The following NRXN3 variants were observed in gnomAD, a reference collection of about 807,000 sequenced individuals.
NRXN3 encodes neurexin 3.
A neutral mutation model predicts 137.6 loss-of-function variants in NRXN3; 32 were observed. That is an observed-to-expected ratio of 0.23 (90% CI 0.18 to 0.31). The LOEUF is 0.31. Among genes scored for constraint, NRXN3 ranks in the 10% least tolerant of loss-of-function variants. The pLI is 1.00. For synonymous variants in NRXN3, 798 were observed against 784.5 expected (o/e 1.02, Z -0.29); for missense variants, 1,574 against 2,062.5 (o/e 0.76, Z 4.59).
rs1567712583 is a variant in NRXN3 at position 79,629,272 on chromosome 14, GA to G, written c.3445-34498del. On this transcript the variant is annotated intron_variant, in intron 16 of 20. Coordinates refer to ENST00000335750, the MANE Select transcript of NRXN3 (RefSeq NM_001330195.2). ...TGGAGACCATATATAATTCCGAAAT[GA>G]AAAAAAATAAGCAACAATACACTGA... Among the ~76,000 whole-genome samples, 5 of 151,680 alleles carry G rather than the reference GA, an allele frequency of 3.3e-5. No individual in the cohort carries two copies. The South Asian group carries it at 8.3e-4, about 25-fold the overall frequency.
rs2062758077 is a variant in NRXN3, at chr14:79,180,070, C to T, written c.3262+191929C>T. 2.0e-5 allele frequency among the ~76,000 whole-genome samples: 3 copies of T among 152,116 alleles called. 1 individual carries two copies. Among genetic ancestry groups the T allele is most frequent in the Non-Finnish European group, 4.4e-5 (3 of 68,034 alleles). ...GGTTGCTGTAATAGCCTGTGTCTGC[C>T]CCAGACCACAATCATAAAAATAATA... is the stretch of plus-strand genomic sequence containing the variant. On this transcript the variant is annotated intron_variant, in intron 15 of 20. Coordinates refer to ENST00000335750, the MANE Select transcript of NRXN3 (RefSeq NM_001330195.2).
At chr14:79,247,948 C>G (rs1251817503) in intron 15 of NRXN3, among the ~76,000 whole-genome samples, 1 of 152,046 alleles carries the variant, frequency 6.6e-6, no homozygotes, top group Non-Finnish European at 1.5e-5. Context: ...CTATCACCCT[C>G]TCTCATAGCT....
chr14:79,371,096 C>T (rs1031516798), intron 15 of NRXN3, among the ~76,000 whole-genome samples: 4 of 152,090 alleles, frequency 2.6e-5, no homozygotes. Context: ...CTAACTGTTC[C>T]AGGTATCAAG....
At chr14:79,306,745 C>T (rs1195925648) in intron 15 of NRXN3, among the ~76,000 whole-genome samples, 1 of 152,062 alleles carries the variant, frequency 6.6e-6, no homozygotes, top group Non-Finnish European at 1.5e-5. Flanking sequence ...CGGCAAATTG[C>T]AATCTCATCA....
intron 15 of NRXN3, among the ~76,000 whole-genome samples, chr14:79,348,708 C>T (rs17109086): frequency 0.012 from 1,772 of 152,234 alleles, 37 homozygotes; most frequent in African/African-American, 0.04. Flanking sequence ...TAGAGTAGGG[C>T]AGTCGCCACA....
chr14:78,735,153 A>G (rs1567178320), intron 8 of NRXN3, among the ~76,000 whole-genome samples: 3 of 152,202 alleles, frequency 2.0e-5, no homozygotes. Context: ...AAGATCCTAT[A>G]TTTGTAGCAC....
intron 15 of NRXN3, among the ~76,000 whole-genome samples, chr14:79,388,618 C>A (rs1330621834): frequency 1.3e-5 from 2 of 152,032 alleles, no homozygotes; most frequent in African/African-American, 2.4e-5. Context: ...TCGACTCATG[C>A]TAGATCTCGG....
At position 78,555,046 on chromosome 14, in the gene NRXN3, C is replaced by A. The variant is rs531703627; in HGVS notation, c.758-90074C>A. Among the ~76,000 whole-genome samples, 8 of 152,182 alleles carry A rather than the reference C, an allele frequency of 5.3e-5. No homozygotes were observed. In the South Asian group the frequency reaches 6.2e-4, roughly 12 times the overall value. On this transcript the variant is annotated intron_variant, in intron 4 of 20. Coordinates refer to ENST00000335750, the MANE Select transcript of NRXN3 (RefSeq NM_001330195.2). ...TCTGCCATTCATCAGCTTGAGTTGT[C>A]TTAGGCAAGTCACATACCATCCTCT...
At chr14:78,799,796 C>T (rs773904031) in intron 8 of NRXN3, among the ~76,000 whole-genome samples, 8 of 152,000 alleles carry the variant, frequency 5.3e-5, no homozygotes, top group Non-Finnish European at 1.0e-4. Context: ...GAGAGCTAAG[C>T]GAAAGGGGTT....
intron 15 of NRXN3, among the ~76,000 whole-genome samples, chr14:79,026,025 T>C (rs2099597452): frequency 6.6e-6 from 1 of 152,058 alleles, no homozygotes; most frequent in South Asian, 2.1e-4. Context: ...TCAGCATTGG[T>C]CAGAATTACA....
intron 8 of NRXN3, among the ~76,000 whole-genome samples, chr14:78,719,399 C>A (rs1216391457): frequency 7.4e-6 from 1 of 135,690 alleles, no homozygotes; most frequent in Non-Finnish European, 1.6e-5. Flanking sequence ...TTTTAGGCAA[C>A]CTCCTATGTG....
At chr14:79,134,465 C>A (rs948601471) in intron 15 of NRXN3, among the ~76,000 whole-genome samples, 3 of 152,212 alleles carry the variant, frequency 2.0e-5, no homozygotes, top group Non-Finnish European at 4.4e-5. Flanking sequence ...AGAACAAAGG[C>A]ATGTCAATGT....
At chr14:78,950,535 T>C (rs962960775) in intron 10 of NRXN3, among the ~76,000 whole-genome samples, 1 of 151,886 alleles carries the variant, frequency 6.6e-6, no homozygotes, top group Non-Finnish European at 1.5e-5. Flanking sequence ...AGGGGCACTC[T>C]TTTTTCTAGT....
chr14:79,118,672 C>G (rs2653539), intron 15 of NRXN3, among the ~76,000 whole-genome samples: 150,963 of 152,342 alleles, frequency 0.99, 74,819 homozygotes, highest in Middle Eastern at 1. Context: ...TAATCTGGCT[C>G]TTATAGTGGA....
At chr14:78,646,909 C>G (rs1305876096) in intron 5 of NRXN3, among the ~76,000 whole-genome samples, 1 of 152,216 alleles carries the variant, frequency 6.6e-6, no homozygotes, top group Non-Finnish European at 1.5e-5. Context: ...GGGCTTGTTA[C>G]ATGAGAGCTG....
intron 8 of NRXN3, among the ~76,000 whole-genome samples, chr14:78,795,591 C>A (rs1179896976): frequency 1.7e-5 from 2 of 120,756 alleles, no homozygotes; most frequent in African/African-American, 5.9e-5. Context: ...TTAATTATAT[C>A]CTCTAGAAAT....
At chr14:79,402,733 T>A (rs971737052) in intron 15 of NRXN3, among the ~76,000 whole-genome samples, 1 of 152,164 alleles carries the variant, frequency 6.6e-6, no homozygotes, top group Admixed American at 6.6e-5. Context: ...TAAACAGCCT[T>A]TTGATTTGTT....
intron 16 of NRXN3, among the ~76,000 whole-genome samples, chr14:79,657,300 C>A (rs143801938): frequency 3.6e-4 from 55 of 152,218 alleles, no homozygotes; most frequent in African/African-American, 1.3e-3. Context: ...ATCTCAAATT[C>A]TTCTAGAACA....
At chr14:78,673,510 G>A (rs1041790139) in intron 6 of NRXN3, among the ~76,000 whole-genome samples, 1 of 152,140 alleles carries the variant, frequency 6.6e-6, no homozygotes, top group African/African-American at 2.4e-5. Context: ...GTGTGGGTAC[G>A]AAAATAAAGA....
Sources: allele counts gnomAD v4.1 joint callset (sites outside exome capture counted in the v4.1 genomes callset), GRCh38; gene constraint gnomAD v4.1.1; transcripts MANE v1.5; gene names NCBI Gene and HGNC (gene_info 2026-07-23, HGNC 2026-07-21).